Variants in LYZL2 observed in about 807,000 individuals in gnomAD.
LYZL2 encodes lysozyme-like protein 2.
LYZL2 carries 13 observed loss-of-function variants against 17.1 expected under a neutral mutation model. The observed-to-expected ratio is 0.76, with a 90% CI of 0.49 to 1.21. The LOEUF (loss-of-function observed/expected upper bound fraction) is 1.21, where lower values mean the gene tolerates loss of function less well. Ranked by LOEUF, LYZL2 falls within the 50% of genes most tolerant of loss-of-function variation. LYZL2 has a pLI of 0.00. For synonymous variants in LYZL2, 63 were observed against 74.4 expected (o/e 0.85, Z 0.79); for missense variants, 166 against 189.2 (o/e 0.88, Z 0.72).
downstream of LYZL2, among the ~76,000 whole-genome samples, chr10:30,610,431 A>G (rs568832450): frequency 6.6e-6 from 1 of 152,300 alleles, no homozygotes; most frequent in East Asian, 1.9e-4. Context: ...TCCTCAGCAC[A>G]CTAACATAAG....
In LYZL2 at chr10:30,629,649, G is replaced by A. The variant is rs140215273; in HGVS notation, c.-82C>T. ...AGGCTGACTTCTCAGTTGAGTCTGC[G>A]GAAGAAACACTGCTCCACTTAGTCG... On this transcript the variant is annotated 5_prime_UTR_variant, in exon 1 of 5. Transcript: ENST00000647634. The A allele has an allele frequency of 3.1e-5, 50 of 1,614,186 alleles. No homozygotes were observed. The Middle Eastern group carries it at 4.9e-4, about 16-fold the overall frequency.
At chr10:30,617,077 A>T (rs1232283731) in intron 3 of LYZL2, among the ~76,000 whole-genome samples, 1 of 152,062 alleles carries the variant, frequency 6.6e-6, no homozygotes, top group Non-Finnish European at 1.5e-5. Flanking sequence ...ATTTCCTGGG[A>T]GACATGGGTT....
chr10:30,614,054 T>A (rs1022558453), intron 3 of LYZL2, among the ~76,000 whole-genome samples: 37 of 152,188 alleles, frequency 2.4e-4, no homozygotes, highest in African/African-American at 8.2e-4. Context: ...AATCTTTGAA[T>A]TGAAATGTAT....
At chr10:30,625,915 C>T (rs1490708929) in intron 3 of LYZL2, among the ~76,000 whole-genome samples, 190 bp downstream of exon 3, 1 of 152,222 alleles carries the variant, frequency 6.6e-6, no homozygotes, top group Non-Finnish European at 1.5e-5. Flanking sequence ...AATAAGTCAT[C>T]TTTGGACAAG....
chr10:30,625,931 C>T (rs1390805748), intron 3 of LYZL2, among the ~76,000 whole-genome samples, 174 bp downstream of exon 3: 1 of 152,188 alleles, frequency 6.6e-6, no homozygotes, highest in Non-Finnish European at 1.5e-5. Flanking sequence ...ACAAGTCAGC[C>T]GCAGGATCCT....
chr10:30,624,922 G>A (rs932444556), intron 3 of LYZL2, among the ~76,000 whole-genome samples: 2 of 152,154 alleles, frequency 1.3e-5, no homozygotes, highest in African/African-American at 2.4e-5. Flanking sequence ...AAAGGGACTC[G>A]ACCCACTATT....
chr10:30,624,791 C>T (rs1206557301), intron 3 of LYZL2, among the ~76,000 whole-genome samples: 5 of 152,204 alleles, frequency 3.3e-5, no homozygotes, highest in Admixed American at 6.5e-5. Flanking sequence ...TCTCTGACTT[C>T]ACTCTTGTAC....
chr10:30,627,330 G>A (rs1437481330), intron 1 of LYZL2, among the ~76,000 whole-genome samples: 1 of 151,596 alleles, frequency 6.6e-6, no homozygotes, highest in African/African-American at 2.4e-5. Flanking sequence ...GGTTTGAACT[G>A]CGTGGGTCCA....
chr10:30,629,256 TAG>T (rs1838768187), intron 1 of LYZL2, among the ~76,000 whole-genome samples: 1 of 152,002 alleles, frequency 6.6e-6, no homozygotes, highest in Non-Finnish European at 1.5e-5. Flanking sequence ...TAGCCAGGCA[TAG>T]TGGTGTGTGA....
Position 30,626,143 on chromosome 10 carries a change from T to C in LYZL2, c.260A>G (p.Lys87Arg). 1.9e-6 allele frequency: 3 copies of C among 1,614,270 alleles called. No homozygotes were observed. Among genetic ancestry groups the C allele is most frequent in the Non-Finnish European group, 2.5e-6 (3 of 1,180,042 alleles). The part of the protein sequence containing the change: ...INSFAWCRRG[K>R]LKENNHCHVA... ...GTGGCAGTGGTTGTTCTCCTTCAGC[T>C]TTCCGCGTCTGCACCACGCGAAGCT... The change falls in exon 3 of 5, where the codon AAG becomes AGG. Residue 87 changes from lysine to arginine, a missense_variant. Physicochemically the swap from Lys to Arg is conservative, Grantham distance 26. This residue lies in a region of LYZL2 where 134 missense variants were observed against 129.4 expected (regional missense o/e 1.04). Coordinates refer to ENST00000647634, the MANE Select transcript of LYZL2 (RefSeq NM_183058.3).
chr10:30,627,850 A>T (rs1236739187), intron 1 of LYZL2, among the ~76,000 whole-genome samples: 3 of 152,220 alleles, frequency 2.0e-5, no homozygotes, highest in East Asian at 3.8e-4. Flanking sequence ...CGTGGACCTG[A>T]ATGGAAAACT....
At chr10:30,627,578 A>G (rs1838734453) in intron 1 of LYZL2, among the ~76,000 whole-genome samples, 1 of 152,200 alleles carries the variant, frequency 6.6e-6, no homozygotes, top group Admixed American at 6.5e-5. Flanking sequence ...TTTCTTAATA[A>G]CATTTTCTTT....
rs187815692 is a variant in LYZL2, at chr10:30,614,259, C to T, written c.299-1359G>A. On this transcript the variant is annotated intron_variant, in intron 3 of 4. Transcript: ENST00000647634. Reference sequence around the variant, plus strand: ...AGCAATCCACACCTATGAAAGGAATCGGCTGGGGGGAAGCAGGATGGGCAG... The same window carrying T: ...AGCAATCCACACCTATGAAAGGAATTGGCTGGGGGGAAGCAGGATGGGCAG... Among the ~76,000 whole-genome samples, 187 of 152,304 alleles carry T rather than the reference C, an allele frequency of 1.2e-3. 1 individual carries two copies. The highest frequency in any genetic ancestry group is 2.4e-3 in the Non-Finnish European group (161 of 68,024).
intron 3 of LYZL2, among the ~76,000 whole-genome samples, chr10:30,622,990 G>A (rs1838648499): frequency 1.3e-5 from 2 of 152,174 alleles, no homozygotes; most frequent in South Asian, 2.1e-4. Context: ...CTCAAAGAAA[G>A]CGAGAGTGGG....
the LYZL2 span, among the ~76,000 whole-genome samples, chr10:30,606,540 TA>T: frequency 6.6e-6 from 1 of 152,084 alleles, no homozygotes; most frequent in Non-Finnish European, 1.5e-5. Context: ...CAACGCTTTT[TA>T]AAAGCCTGGT....
chr10:30,628,522 C>T (rs1389704500), intron 1 of LYZL2, among the ~76,000 whole-genome samples: 3 of 152,138 alleles, frequency 2.0e-5, no homozygotes, highest in Non-Finnish European at 2.9e-5. Context: ...CAATCTCCTC[C>T]CCTCTTAAAA....
intron 1 of LYZL2, among the ~76,000 whole-genome samples, chr10:30,627,697 T>TG (rs1211059323): frequency 5.9e-5 from 9 of 152,278 alleles, no homozygotes; most frequent in Admixed American, 1.3e-4. Flanking sequence ...CAGTAGGCTA[T>TG]TAGTCGTTAA....
chr10:30,629,268 A>C (rs1390565144), intron 1 of LYZL2, among the ~76,000 whole-genome samples: 5 of 152,022 alleles, frequency 3.3e-5, no homozygotes, highest in Admixed American at 6.6e-5. Context: ...GTGGTGTGTG[A>C]CTGTGGTCCC....
intron 4 of LYZL2, 145 bp from the exon 5 acceptor site, chr10:30,612,169 C>T: frequency 1.0e-6 from 1 of 995,438 alleles, no homozygotes; most frequent in South Asian, 1.5e-5. Flanking sequence ...AGGACGCTGT[C>T]ATTTTGCCTA....
Sources: allele counts gnomAD v4.1 joint callset (sites outside exome capture counted in the v4.1 genomes callset), GRCh38; gene constraint gnomAD v4.1.1; regional missense constraint gnomAD v4.1.1; transcripts MANE v1.5; gene names NCBI Gene and HGNC (gene_info 2026-07-23, HGNC 2026-07-21).